The following PLCB1 variants were observed in gnomAD, a reference collection of about 807,000 sequenced individuals.
PLCB1 encodes phospholipase C beta 1, also known as 1-phosphatidylinositol 4,5-bisphosphate phosphodiesterase beta-1.
Under a neutral mutation model 161.8 loss-of-function variants are expected in PLCB1, and 46 were observed. That is an observed-to-expected ratio of 0.28 (90% CI 0.22 to 0.36). The LOEUF (loss-of-function observed/expected upper bound fraction) is 0.36, where lower values mean the gene tolerates loss of function less well. Among genes scored for constraint, PLCB1 ranks in the 10% least tolerant of loss-of-function variants. PLCB1 has a pLI of 1.00. For synonymous variants in PLCB1, 517 were observed against 503.7 expected, an observed-to-expected ratio of 1.03 and a Z score of -0.35; for missense variants, 1,016 against 1,472.5, an observed-to-expected ratio of 0.69 and a Z score of 5.07.
intron 10 of PLCB1, among the ~76,000 whole-genome samples, chr20:8,689,276 A>G (rs949409226): frequency 1.5e-4 from 23 of 152,166 alleles, no homozygotes; most frequent in African/African-American, 4.6e-4. Flanking sequence ...GTAAACAATC[A>G]TATCGTCAGC....
At chr20:8,617,648 C>A (rs888640742) in intron 3 of PLCB1, among the ~76,000 whole-genome samples, 1 of 152,046 alleles carries the variant, frequency 6.6e-6, no homozygotes, top group African/African-American at 2.4e-5. Context: ...TACCGGCATA[C>A]CACAAGAGGC....
rs973181085 is a variant in PLCB1 at position 8,644,979 on chromosome 20, A to G, written c.385-1123A>G. ...TGGGAGACTTTTCATTTTGTTCTGT[A>G]CTAAGAAAAATTCTTATCCTGTTGA... On this transcript the variant is annotated intron_variant, in intron 4 of 31. Transcript: ENST00000338037. Among the ~76,000 whole-genome samples, 40 of 152,174 alleles carry G rather than the reference A, an allele frequency of 2.6e-4. 1 individual carries two copies. The highest frequency in any genetic ancestry group is 2.2e-3 in the Admixed American group (33 of 15,280).
chr20:8,534,092 A>T (rs79323193), intron 3 of PLCB1, among the ~76,000 whole-genome samples: 1 of 152,090 alleles, frequency 6.6e-6, no homozygotes, highest in African/African-American at 2.4e-5. Context: ...TGATCGTGGA[A>T]TATTCCTTCT....
chr20:8,813,488 T>C (rs1310432558), intron 31 of PLCB1, among the ~76,000 whole-genome samples: 1 of 151,990 alleles, frequency 6.6e-6, no homozygotes, highest in Non-Finnish European at 1.5e-5. Flanking sequence ...CCAACCATCA[T>C]AATAAAAGGG....
intron 3 of PLCB1, among the ~76,000 whole-genome samples, chr20:8,619,573 G>T (rs1165532665): frequency 6.6e-6 from 1 of 152,070 alleles, no homozygotes; most frequent in Non-Finnish European, 1.5e-5. Flanking sequence ...AGAGTTTGAG[G>T]ATTTAATTTT....
At chr20:8,649,764 C>T in intron 7 of PLCB1, 1 of 355,874 alleles carries the variant, frequency 2.8e-6, no homozygotes, top group Non-Finnish European at 5.2e-6. Flanking sequence ...CCTTGGACTT[C>T]CCAGCCTTTG....
At chr20:8,684,802 T>G in intron 9 of PLCB1, 130 bp from the exon 10 acceptor site, 1 of 599,438 alleles carries the variant, frequency 1.7e-6, no homozygotes, top group Non-Finnish European at 2.9e-6. Context: ...TCCTACACTC[T>G]TATTTATCCA....
At chr20:8,837,554 G>A (rs898015946) in intron 31 of PLCB1, among the ~76,000 whole-genome samples, 1 of 152,294 alleles carries the variant, frequency 6.6e-6, no homozygotes, top group East Asian at 1.9e-4. Flanking sequence ...TGGGCCAGAA[G>A]GTCACCCACA....
chr20:8,643,322 C>T (rs1989013884), intron 4 of PLCB1, among the ~76,000 whole-genome samples: 1 of 152,184 alleles, frequency 6.6e-6, no homozygotes, highest in South Asian at 2.1e-4. Flanking sequence ...TGCTCTTTAT[C>T]CTCTGACCAC....
At chr20:8,752,820 C>A (rs373549982) in intron 23 of PLCB1, among the ~76,000 whole-genome samples, 2 of 151,602 alleles carry the variant, frequency 1.3e-5, no homozygotes, top group South Asian at 2.1e-4. Flanking sequence ...TGTCTACAGC[C>A]CTTAGCAAAA....
intron 31 of PLCB1, among the ~76,000 whole-genome samples, chr20:8,864,644 A>C (rs1987365217): frequency 6.6e-6 from 1 of 152,224 alleles, no homozygotes; most frequent in Non-Finnish European, 1.5e-5. Context: ...TTGGCCATTC[A>C]ATTCAGTATT....
At chr20:8,629,573 A>T (rs1436717852) in intron 4 of PLCB1, among the ~76,000 whole-genome samples, 1 of 152,188 alleles carries the variant, frequency 6.6e-6, no homozygotes, top group Non-Finnish European at 1.5e-5. Flanking sequence ...CCTTCATATA[A>T]CTTCCTTCAA....
intron 27 of PLCB1, among the ~76,000 whole-genome samples, chr20:8,783,524 C>T (rs759587901): frequency 6.6e-6 from 1 of 152,166 alleles, no homozygotes. Context: ...AGAGATTAAG[C>T]AGAGTTGTTT....
intron 3 of PLCB1, among the ~76,000 whole-genome samples, chr20:8,532,367 G>A (rs1187251690): frequency 6.6e-6 from 1 of 152,076 alleles, no homozygotes; most frequent in African/African-American, 2.4e-5. Flanking sequence ...GCAGCTGCTG[G>A]GGAAGCAATC....
At chr20:8,716,115 A>G in intron 12 of PLCB1, 149 bp from the exon 13 acceptor site, 1 of 632,468 alleles carries the variant, frequency 1.6e-6, no homozygotes, top group Middle Eastern at 2.5e-4. Flanking sequence ...CACATAAGTT[A>G]AGATAAAGAT....
At chr20:8,763,803 G>A (rs973233027) in intron 25 of PLCB1, among the ~76,000 whole-genome samples, 3 of 152,102 alleles carry the variant, frequency 2.0e-5, no homozygotes, top group African/African-American at 4.8e-5. Flanking sequence ...ACAGGCATGA[G>A]CCAATGCACT....
intron 3 of PLCB1, among the ~76,000 whole-genome samples, chr20:8,377,238 G>A (rs1296383815): frequency 6.6e-6 from 1 of 152,144 alleles, no homozygotes; most frequent in Non-Finnish European, 1.5e-5. Context: ...AAGGTGTCTT[G>A]ATAGGAGGCA....
chr20:8,875,121 T>C (rs1987733798), intron 31 of PLCB1, among the ~76,000 whole-genome samples: 1 of 151,690 alleles, frequency 6.6e-6, no homozygotes, highest in African/African-American at 2.4e-5. Flanking sequence ...GTATTGTATA[T>C]ATATTCTTTG....
rs1292421532 is a variant in PLCB1 at position 8,132,822 on chromosome 20, G to A, written c.99+72G>A. On this transcript the variant is annotated intron_variant, in intron 1 of 31. Coordinates refer to ENST00000338037, the MANE Select transcript of PLCB1 (RefSeq NM_015192.4). This position sits in a 1 kb window ranked among gnomAD's most constrained non-coding sequence, Gnocchi z 5.2. ...GCAGGGCGGGCGTCGTGGGGGTGGG[G>A]CAAGGGGCGCGTTATGCAATGGGCG... 3 of 1,080,780 alleles carry A rather than the reference G, an allele frequency of 2.8e-6. No homozygotes were observed. The highest frequency in any genetic ancestry group is 4.2e-6 in the Non-Finnish European group (3 of 717,076). 66.9% of individuals were successfully genotyped at this position (1,080,780 alleles called of 1,614,324 possible).
Sources: allele counts gnomAD v4.1 joint callset (sites outside exome capture counted in the v4.1 genomes callset), GRCh38; gene constraint gnomAD v4.1.1; non-coding constraint Gnocchi (gnomAD v3.1); transcripts MANE v1.5; gene names NCBI Gene and HGNC (gene_info 2026-07-23, HGNC 2026-07-21).